The following ANGPTL2 variants were observed in gnomAD, a reference collection of about 807,000 sequenced individuals.
The protein encoded by ANGPTL2 is angiopoietin like 2.
In ANGPTL2, 25 loss-of-function variants were observed where a neutral mutation model predicts 52.8. The observed-to-expected ratio is 0.47, with a 90% CI of 0.35 to 0.66. The LOEUF (loss-of-function observed/expected upper bound fraction) is 0.66, where lower values mean the gene tolerates loss of function less well. ANGPTL2 is among the 30% of genes least tolerant of loss of function. The pLI, the probability that ANGPTL2 is intolerant of heterozygous loss-of-function variation, is 0.01. For missense variants in ANGPTL2, 546 were observed against 656.9 expected, an observed-to-expected ratio of 0.83 and a Z score of 1.84; for synonymous variants, 276 against 277.4, an observed-to-expected ratio of 1.00 and a Z score of 0.05.
intron 1 of ANGPTL2, among the ~76,000 whole-genome samples, chr9:127,121,655 A>C (rs932244431): frequency 3.9e-5 from 6 of 152,242 alleles, no homozygotes; most frequent in Non-Finnish European, 7.4e-5. Flanking sequence ...CGGGGGTACC[A>C]GGGAAGCCGC....
At position 127,091,990 on chromosome 9, in the gene ANGPTL2, C is replaced by A; in HGVS notation, c.1012-50G>T. The A allele has an allele frequency of 6.3e-7, 1 of 1,590,966 alleles. No homozygotes were observed. Among genetic ancestry groups the A allele is most frequent in the Non-Finnish European group, 8.6e-7 (1 of 1,166,824 alleles). On this transcript the variant is annotated intron_variant, in intron 3 of 4. Transcript: ENST00000373425. The surrounding 1 kb of genome is among the most constrained non-coding windows in gnomAD (Gnocchi z 4.3). ...AATGTGGAGCCTGCAGCACCTGCAG[C>A]CAGCAGGCTTGGCTGTCAGACACTC...
chr9:127,088,581 T>C lies in ANGPTL2; in HGVS notation c.*358A>G, dbSNP rs1275074122. The C allele has an allele frequency of 5.9e-5, 17 of 288,512 alleles. No individual in the cohort carries two copies. The East Asian group carries it at 1.2e-3, about 21-fold the overall frequency. 17.9% of individuals were successfully genotyped at this position (288,512 alleles called of 1,614,324 possible). On this transcript the variant is annotated 3_prime_UTR_variant, in exon 5 of 5. Transcript: ENST00000373425. The stretch of plus-strand genomic sequence containing the variant: ...TGTGATGTATATCTAAATGCATATA[T>C]ATGTGGTATACACATACGTGCACAA...
At chr9:127,121,808 C>T (rs2137748044) in intron 1 of ANGPTL2, among the ~76,000 whole-genome samples, 1 of 152,316 alleles carries the variant, frequency 6.6e-6, no homozygotes, top group East Asian at 1.9e-4. Context: ...AGAGGCAGCC[C>T]AGCTCCTGTA....
At chr9:127,112,269 G>A (rs965939143) in intron 1 of ANGPTL2, among the ~76,000 whole-genome samples, 2 of 152,202 alleles carry the variant, frequency 1.3e-5, no homozygotes, top group Non-Finnish European at 2.9e-5. Flanking sequence ...TGTTTGCCTC[G>A]TTTCCAACGG....
chr9:127,109,736 C>T (rs2054611438), intron 1 of ANGPTL2, among the ~76,000 whole-genome samples: 2 of 152,348 alleles, frequency 1.3e-5, no homozygotes, highest in South Asian at 2.1e-4. Flanking sequence ...TGGAGCCAGT[C>T]CCTGCCCTCA....
intron 1 of ANGPTL2, among the ~76,000 whole-genome samples, chr9:127,115,219 C>A (rs1437229817): frequency 6.6e-6 from 1 of 151,970 alleles, no homozygotes; most frequent in Non-Finnish European, 1.5e-5. Flanking sequence ...GATGGAGTTT[C>A]GCTCTTGTCA....
chr9:127,119,060 C>T (rs979431332), intron 1 of ANGPTL2, among the ~76,000 whole-genome samples: 2 of 152,106 alleles, frequency 1.3e-5, no homozygotes, highest in African/African-American at 4.8e-5. Flanking sequence ...GCTCTGCCCC[C>T]ACTGAGCTGG....
At chr9:127,119,127 G>T (rs998299689) in intron 1 of ANGPTL2, among the ~76,000 whole-genome samples, 1 of 152,174 alleles carries the variant, frequency 6.6e-6, no homozygotes, top group Non-Finnish European at 1.5e-5. Flanking sequence ...ACCCAGGCAC[G>T]TGGAACAAGT....
In ANGPTL2 at chr9:127,108,183, G is replaced by A. The variant is rs749980712; in HGVS notation, c.549C>T (p.Tyr183=). 2.3e-5 allele frequency: 37 copies of A among 1,613,980 alleles called. No homozygotes were observed. The highest frequency in any genetic ancestry group is 3.3e-4 in the Middle Eastern group (2 of 6,084). ...ASKYKDLEHK[Y]QHLATLAHNQ... ...TGTGGGCCAGTGTGGCCAGGTGCTG[G>A]TACTTGTGCTCCAGGTCCTTGTACT... is the stretch of plus-strand genomic sequence containing the variant. The change falls in exon 2 of 5, where the codon TAC becomes TAT. Residue 183 remains tyrosine (Y), a synonymous_variant. Coordinates refer to ENST00000373425, the MANE Select transcript of ANGPTL2 (RefSeq NM_012098.3).
intron 4 of ANGPTL2, among the ~76,000 whole-genome samples, chr9:127,089,465 AG>A (rs1430584535): frequency 6.6e-6 from 1 of 152,182 alleles, no homozygotes; most frequent in Non-Finnish European, 1.5e-5. Context: ...CTTGACACCT[AG>A]CCCAGGGCTG....
intron 2 of ANGPTL2, among the ~76,000 whole-genome samples, chr9:127,094,166 G>GT (rs1183904647): frequency 6.6e-6 from 1 of 152,138 alleles, no homozygotes; most frequent in African/African-American, 2.4e-5. Flanking sequence ...CCGCCTCACA[G>GT]TTTGACTTTT....
At chr9:127,107,668 G>A (rs1424040507) in intron 2 of ANGPTL2, among the ~76,000 whole-genome samples, 1 of 152,174 alleles carries the variant, frequency 6.6e-6, no homozygotes, top group African/African-American at 2.4e-5. Flanking sequence ...ACCAGAGAGT[G>A]TTTGCCCTCT....
At chr9:127,096,871 A>G (rs1424730790) in intron 2 of ANGPTL2, among the ~76,000 whole-genome samples, 1 of 152,188 alleles carries the variant, frequency 6.6e-6, no homozygotes, top group Non-Finnish European at 1.5e-5. Context: ...CTAGCCACGT[A>G]TTTCCACAGG....
chr9:127,116,933 G>T (rs1326080493), intron 1 of ANGPTL2, among the ~76,000 whole-genome samples: 1 of 152,214 alleles, frequency 6.6e-6, no homozygotes, highest in Non-Finnish European at 1.5e-5. Flanking sequence ...CCAGGGCCAG[G>T]TTTCTTACCC....
intron 1 of ANGPTL2, among the ~76,000 whole-genome samples, chr9:127,120,197 C>T (rs922204464): frequency 1.3e-5 from 2 of 152,224 alleles, no homozygotes; most frequent in Non-Finnish European, 2.9e-5. Flanking sequence ...TCCCACAGCA[C>T]TAAGGTAGCT....
At chr9:127,101,490 C>G (rs905170699) in intron 2 of ANGPTL2, among the ~76,000 whole-genome samples, 2 of 152,196 alleles carry the variant, frequency 1.3e-5, no homozygotes, top group African/African-American at 4.8e-5. Context: ...ATCCTCTATC[C>G]TTGACCCTCC....
At chr9:127,098,882 C>A (rs1316203709) in intron 2 of ANGPTL2, among the ~76,000 whole-genome samples, 2 of 152,264 alleles carry the variant, frequency 1.3e-5, no homozygotes, top group Non-Finnish European at 2.9e-5. Flanking sequence ...AGACCAGCAT[C>A]AGCCTGATTT....
intron 2 of ANGPTL2, among the ~76,000 whole-genome samples, chr9:127,101,947 C>CT (rs2053774745): frequency 6.6e-6 from 1 of 152,080 alleles, no homozygotes; most frequent in African/African-American, 2.4e-5. Context: ...ACTCCAGGCC[C>CT]TGTAGTTCCA....
rs781742994 is a variant in ANGPTL2 at position 127,108,644 on chromosome 9, T to C, written c.88A>G (p.Thr30Ala). ...AACTCTCTTGGCGAGCCCTCCTCAG[T>C]GCCCTCAAAACCGTCCTCCTGGCCT... ...VAGQEDGFEG[T>A]EEGSPREFIY... Residue 30 changes from threonine (T) to alanine (A), a missense_variant, in exon 2 of 5, where the codon ACT becomes GCT. Thr to Ala is a moderately conservative substitution (Grantham distance 58). This residue lies in a region of ANGPTL2 where 285 missense variants were observed against 295.8 expected (regional missense o/e 0.96). Coordinates refer to ENST00000373425, the MANE Select transcript of ANGPTL2 (RefSeq NM_012098.3). 15 of 1,613,558 alleles carry C rather than the reference T, an allele frequency of 9.3e-6. No homozygotes were observed. In the Admixed American group the frequency reaches 2.0e-4, roughly 22 times the overall value.
Sources: gnomAD v4.1 joint callset for allele counts (sites outside exome capture counted in the v4.1 genomes callset) on GRCh38, gnomAD v4.1.1 for gene constraint, gnomAD v4.1.1 regional missense constraint, Gnocchi (gnomAD v3.1) non-coding constraint, MANE v1.5 for transcripts, NCBI Gene and HGNC (gene_info 2026-07-23, HGNC 2026-07-21) for gene names.